MORC1: variants seen among roughly 807,000 people sequenced by gnomAD.
MORC1 encodes MORC family CW-type zinc finger protein 1.
Under a neutral mutation model 134.9 loss-of-function variants are expected in MORC1, and 59 were observed. The ratio of observed to expected loss-of-function variants is 0.44; its 90% CI spans 0.35 to 0.54. The LOEUF is 0.54. Ranked by LOEUF, MORC1 falls within the 20% of genes least tolerant of loss-of-function variation. MORC1 has a pLI of 0.00. For missense variants in MORC1, 947 were observed against 1,134.5 expected, an observed-to-expected ratio of 0.83 and a Z score of 2.37; for synonymous variants, 395 against 391.7, an observed-to-expected ratio of 1.01 and a Z score of -0.10.
chr3:109,022,448 C>T (rs1484351350), intron 17 of MORC1, among the ~76,000 whole-genome samples: 1 of 152,204 alleles, frequency 6.6e-6, no homozygotes, highest in Non-Finnish European at 1.5e-5. Context: ...CCAGATTATA[C>T]TATTTCATTT....
At chr3:109,001,101 G>A (rs1195810837) in intron 20 of MORC1, among the ~76,000 whole-genome samples, 1 of 152,026 alleles carries the variant, frequency 6.6e-6, no homozygotes, top group African/African-American at 2.4e-5. Flanking sequence ...AAGATATAAT[G>A]TCTTCTGGAG....
chr3:109,071,862 A>C (rs1486697576), intron 8 of MORC1, among the ~76,000 whole-genome samples: 1 of 152,138 alleles, frequency 6.6e-6, no homozygotes, highest in East Asian at 1.9e-4. Context: ...ACAGCAAGCC[A>C]CTGTTATCAG....
intron 3 of MORC1, among the ~76,000 whole-genome samples, chr3:109,108,366 A>G (rs1217958886): frequency 1.3e-5 from 2 of 152,156 alleles, no homozygotes; most frequent in African/African-American, 2.4e-5. Context: ...TACATTTGTT[A>G]TATTTTGTGA....
chr3:109,113,056 A>G (rs1412674556), intron 2 of MORC1, among the ~76,000 whole-genome samples: 1 of 152,228 alleles, frequency 6.6e-6, no homozygotes, highest in Non-Finnish European at 1.5e-5. Context: ...ACAGTTGGAA[A>G]AATAGATAAA....
At position 109,043,200 on chromosome 3, in the gene MORC1, G is replaced by T. The variant is rs1046860227; in HGVS notation, c.1331-7732C>A. Reference sequence around the variant, plus strand: ...ATGTGGCAAAATGTGGGGGGGGGGGGGTGTGTATAACAGAATATTATTCAG... The same window carrying T: ...ATGTGGCAAAATGTGGGGGGGGGGGTGTGTGTATAACAGAATATTATTCAG... On this transcript the variant is annotated intron_variant, in intron 14 of 27. Transcript: ENST00000232603. Among the ~76,000 whole-genome samples the T allele has an allele frequency of 1.3e-4, 15 of 115,948 alleles. No homozygotes were observed. In the South Asian group the frequency reaches 1.7e-3, roughly 13 times the overall value. 76.1% of individuals were successfully genotyped at this position (115,948 alleles called of 152,430 possible).
intron 5 of MORC1, 32 bp from the exon 6 acceptor site, chr3:109,099,498 C>T (rs758098828): frequency 7.3e-6 from 11 of 1,507,732 alleles, no homozygotes; most frequent in East Asian, 2.3e-5. Context: ...TCATGTTTTA[C>T]ACCTCAAATA....
intron 23 of MORC1, among the ~76,000 whole-genome samples, chr3:108,983,025 C>CA (rs200485387): frequency 1.4e-5 from 2 of 138,282 alleles, no homozygotes; most frequent in African/African-American, 5.4e-5. Context: ...ACAGTGATTC[C>CA]AAAAAAAAAA....
At chr3:108,995,044 A>G (rs1275632828) in intron 21 of MORC1, among the ~76,000 whole-genome samples, 1 of 152,172 alleles carries the variant, frequency 6.6e-6, no homozygotes, top group Non-Finnish European at 1.5e-5. Flanking sequence ...GTAACACCTG[A>G]TCAGAGTGCA....
At chr3:109,057,660 C>T (rs1018456507) in intron 12 of MORC1, among the ~76,000 whole-genome samples, 174 bp from the exon 13 acceptor site, 1 of 151,776 alleles carries the variant, frequency 6.6e-6, no homozygotes, top group East Asian at 1.9e-4. Context: ...TCTGCATAAA[C>T]GTGATGCCAG....
intron 14 of MORC1, among the ~76,000 whole-genome samples, chr3:109,044,831 G>A (rs185344040): frequency 3.5e-4 from 49 of 138,510 alleles, no homozygotes; most frequent in Non-Finnish European, 6.4e-5. Flanking sequence ...TGTAATCCCA[G>A]CTACTTGGGA....
intron 9 of MORC1, among the ~76,000 whole-genome samples, chr3:109,066,503 T>C (rs1950199605): frequency 6.6e-6 from 1 of 152,120 alleles, no homozygotes; most frequent in African/African-American, 2.4e-5. Context: ...GCCAGGCTGG[T>C]CTCAAACTCC....
intron 8 of MORC1, among the ~76,000 whole-genome samples, chr3:109,074,337 G>A (rs1369382359): frequency 1.3e-5 from 2 of 152,116 alleles, no homozygotes; most frequent in African/African-American, 2.4e-5. Context: ...ACAAAGTTGA[G>A]TGATTAATAT....
chr3:109,051,187 A>T (rs1382850969), intron 14 of MORC1, among the ~76,000 whole-genome samples: 1 of 152,222 alleles, frequency 6.6e-6, no homozygotes, highest in Non-Finnish European at 1.5e-5. Context: ...GCCAAAAGTA[A>T]ATGTAGATTT....
rs1950905932 is a variant in MORC1, at chr3:109,100,518, C to T, written c.224-11G>A. The T allele has an allele frequency of 6.2e-7, 1 of 1,602,680 alleles. No individual in the cohort carries two copies. The highest frequency in any genetic ancestry group is 1.3e-5 in the African/African-American group (1 of 74,756). ...TGTCTGAAGCTTCCTCTGTAATTGA[C>T]AGTGACTTTTAAGGTGGTTAGGAAG... On this transcript the variant is annotated splice_polypyrimidine_tract_variant and intron_variant, in intron 4 of 27. Transcript: ENST00000232603.
intron 5 of MORC1, 62 bp from the exon 6 acceptor site, chr3:109,099,528 C>T (rs1430080576): frequency 8.0e-7 from 1 of 1,253,778 alleles, no homozygotes; most frequent in East Asian, 2.4e-5. Flanking sequence ...AAGAAACAGG[C>T]AGACTGTTAT....
chr3:109,016,072 T>C (rs1948810289), intron 17 of MORC1, among the ~76,000 whole-genome samples: 1 of 152,188 alleles, frequency 6.6e-6, no homozygotes, highest in African/African-American at 2.4e-5. Flanking sequence ...TTTTAAATAC[T>C]TTTGTGCATG....
intron 27 of MORC1, among the ~76,000 whole-genome samples, chr3:108,959,697 G>T (rs1201606184): frequency 1.3e-5 from 2 of 152,134 alleles, no homozygotes; most frequent in Admixed American, 1.3e-4. Flanking sequence ...TCTTCAAAAA[G>T]TTCATGGAAA....
At chr3:109,042,382 A>G (rs568040658) in intron 14 of MORC1, among the ~76,000 whole-genome samples, 6 of 152,318 alleles carry the variant, frequency 3.9e-5, no homozygotes, top group African/African-American at 1.4e-4. Context: ...AACCACAGGG[A>G]GATATCACCT....
intron 20 of MORC1, 118 bp from the exon 21 acceptor site, chr3:109,000,776 G>T (rs1361889494): frequency 5.6e-6 from 4 of 708,822 alleles, no homozygotes; most frequent in Non-Finnish European, 9.2e-6. Context: ...AGGATATATA[G>T]CGAAAATTCA....
Sources: gnomAD v4.1 joint callset for allele counts (sites outside exome capture counted in the v4.1 genomes callset) on GRCh38, gnomAD v4.1.1 for gene constraint, MANE v1.5 for transcripts, NCBI Gene and HGNC (gene_info 2026-07-23, HGNC 2026-07-21) for gene names.